The following DLGAP1 variants were observed in gnomAD, a reference collection of about 807,000 sequenced individuals.
DLGAP1 encodes the protein DLG associated protein 1.
A neutral mutation model predicts 90.8 loss-of-function variants in DLGAP1; 11 were observed. The ratio of observed to expected loss-of-function variants is 0.12; its 90% CI spans 0.08 to 0.20. DLGAP1 has a LOEUF of 0.20. Ranked by LOEUF, DLGAP1 falls within the 10% of genes least tolerant of loss-of-function variation. DLGAP1 has a pLI of 1.00. For synonymous variants in DLGAP1, 558 were observed against 540.7 expected (o/e 1.03, Z -0.44); for missense variants, 1,050 against 1,333.8 (o/e 0.79, Z 3.31).
intron 1 of DLGAP1, among the ~76,000 whole-genome samples, chr18:4,292,431 T>C (rs1449751659): frequency 3.3e-5 from 5 of 152,230 alleles, no homozygotes; most frequent in Admixed American, 2.6e-4. Flanking sequence ...GATCACCAGA[T>C]TGTATTTTAG....
intron 2 of DLGAP1, among the ~76,000 whole-genome samples, chr18:4,018,721 A>G (rs2074561067): frequency 6.6e-6 from 1 of 152,280 alleles, no homozygotes; most frequent in South Asian, 2.1e-4. Context: ...AGACAAATAC[A>G]GAATTATAAT....
At chr18:4,092,088 G>A (rs1053795442) in intron 2 of DLGAP1, among the ~76,000 whole-genome samples, 3 of 152,036 alleles carry the variant, frequency 2.0e-5, no homozygotes, top group African/African-American at 4.8e-5. Context: ...TTATTGCTAT[G>A]GTTAACCTCA....
intron 7 of DLGAP1, among the ~76,000 whole-genome samples, chr18:3,682,125 AAAAAAT>A (rs2060536780): frequency 8.5e-6 from 1 of 117,506 alleles, no homozygotes; most frequent in South Asian, 2.5e-4. Context: ...TCAAAAAAAA[AAAAAAT>A]AAAAAAAAAT....
chr18:4,064,848 T>C (rs973291865), intron 2 of DLGAP1, among the ~76,000 whole-genome samples: 3 of 152,066 alleles, frequency 2.0e-5, no homozygotes, highest in Non-Finnish European at 2.9e-5. Flanking sequence ...ATCACCCTGA[T>C]ACCAAAACCT....
chr18:3,504,576 G>A (rs2050115171), intron 11 of DLGAP1, among the ~76,000 whole-genome samples: 1 of 151,890 alleles, frequency 6.6e-6, no homozygotes, highest in South Asian at 2.1e-4. Context: ...TGTAGAGATG[G>A]GGTCTCACAT....
At chr18:3,726,614 GCTTA>G (rs1302064031) in intron 7 of DLGAP1, among the ~76,000 whole-genome samples, 3 of 152,134 alleles carry the variant, frequency 2.0e-5, no homozygotes, top group Non-Finnish European at 4.4e-5. Context: ...TATCCTATGT[GCTTA>G]CTTAGTTAGA....
In DLGAP1 at chr18:3,499,256, G is replaced by A; in HGVS notation, c.2863C>T (p.Arg955Cys). The A allele has an allele frequency of 1.3e-6, 2 of 1,599,740 alleles. No individual in the cohort carries two copies. The highest frequency in any genetic ancestry group is 1.7e-6 in the Non-Finnish European group (2 of 1,174,542). ...LMAAKRAASV[R>C]QNSATESAES... The stretch of plus-strand genomic sequence containing the variant: ...GCGCTCTCGGTGGCCGAGTTCTGGC[G>A]GACGGACGCGGCGCGCTTGGCGGCC... The change falls in exon 13 of 13, where the codon CGC becomes TGC. Residue 955 changes from arginine (R) to cysteine (C), a missense_variant. By Grantham distance (180) the Arg-to-Cys change is radical (BLOSUM62 -3). This residue lies in a region of DLGAP1 where 565 missense variants were observed against 879.7 expected (regional missense o/e 0.64). Coordinates refer to ENST00000315677, the MANE Select transcript of DLGAP1 (RefSeq NM_004746.4). This position sits in a 1 kb window ranked among gnomAD's most constrained non-coding sequence, Gnocchi z 6.4.
intron 3 of DLGAP1, among the ~76,000 whole-genome samples, chr18:3,956,763 A>AC (rs2073094106): frequency 6.6e-6 from 1 of 151,938 alleles, no homozygotes; most frequent in African/African-American, 2.4e-5. Flanking sequence ...TGATCCTTCT[A>AC]CCTCAGCCTC....
At chr18:4,323,333 T>G (rs1326821601) in intron 1 of DLGAP1, among the ~76,000 whole-genome samples, 1 of 152,126 alleles carries the variant, frequency 6.6e-6, no homozygotes, top group Non-Finnish European at 1.5e-5. Context: ...TGTACACCAT[T>G]AGAATAAAAA....
Position 3,879,861 on chromosome 18 carries a change from A to G in DLGAP1, c.208T>C (p.Phe70Leu), listed in dbSNP as rs1460454105. Residue 70 changes from phenylalanine (F) to leucine (L), a missense_variant, in exon 4 of 13, where the codon TTC becomes CTC. Around this residue, in one of 2 missense-constraint regions of DLGAP1, gnomAD observed 485 missense variants for 454.1 expected, o/e 1.07. Transcript: ENST00000315677. This position sits in a 1 kb window ranked among gnomAD's most constrained non-coding sequence, Gnocchi z 6.6. ...PFSDPLASST[F>L]PRRHYTSQQE... Reference sequence around the variant, plus strand: ...TGCGAGGTGTAGTGCCTGCGGGGGAAGGTGCTGCTGGCCAGCGGGTCGCTG... The same window carrying G: ...TGCGAGGTGTAGTGCCTGCGGGGGAGGGTGCTGCTGGCCAGCGGGTCGCTG... 1 of 1,610,468 alleles carries G rather than the reference A, an allele frequency of 6.2e-7. No homozygotes were observed. The highest frequency in any genetic ancestry group is 8.5e-7 in the Non-Finnish European group (1 of 1,179,546).
chr18:3,616,595 A>AC (rs1400000303), intron 7 of DLGAP1, among the ~76,000 whole-genome samples: 8 of 148,918 alleles, frequency 5.4e-5, no homozygotes, highest in Non-Finnish European at 1.0e-4. Context: ...ACAAAACAAA[A>AC]AAAAAAAAAA....
chr18:3,718,707 C>A (rs1198404633), intron 7 of DLGAP1, among the ~76,000 whole-genome samples: 1 of 151,776 alleles, frequency 6.6e-6, no homozygotes. Context: ...GGGTGGATCG[C>A]CTGAGGTCAG....
chr18:4,063,846 T>G (rs1213447433), intron 2 of DLGAP1, among the ~76,000 whole-genome samples: 1 of 152,084 alleles, frequency 6.6e-6, no homozygotes, highest in Non-Finnish European at 1.5e-5. Context: ...ATTAGGTAGT[T>G]GGGTCTTCAT....
chr18:3,791,425 G>C (rs1326794188), intron 5 of DLGAP1, among the ~76,000 whole-genome samples: 2 of 152,124 alleles, frequency 1.3e-5, no homozygotes, highest in Non-Finnish European at 2.9e-5. Context: ...AAGAACAATG[G>C]ATCCAAAAGT....
At chr18:3,648,579 C>T (rs1791378) in intron 7 of DLGAP1, among the ~76,000 whole-genome samples, 49,123 of 152,018 alleles carry the variant, frequency 0.32, 9,921 homozygotes, top group African/African-American at 0.57. Flanking sequence ...TTTCTAAATT[C>T]GGGCTTGAAA....
chr18:4,350,890 T>C (rs1023428615), intron 1 of DLGAP1, among the ~76,000 whole-genome samples: 2 of 152,154 alleles, frequency 1.3e-5, no homozygotes, highest in African/African-American at 4.8e-5. Flanking sequence ...ATTATTTTAC[T>C]AGCTAATGAT....
At chr18:3,662,464 C>T (rs2059718195) in intron 7 of DLGAP1, among the ~76,000 whole-genome samples, 1 of 152,058 alleles carries the variant, frequency 6.6e-6, no homozygotes, top group Non-Finnish European at 1.5e-5. Context: ...GAAAGAAACC[C>T]AGTAAGATTC....
At chr18:4,181,754 T>G (rs77537668) in intron 1 of DLGAP1, among the ~76,000 whole-genome samples, 1 of 152,130 alleles carries the variant, frequency 6.6e-6, no homozygotes, top group Non-Finnish European at 1.5e-5. Context: ...TGGGCTGTAT[T>G]TATGTATGGT....
chr18:4,099,900 G>T (rs1251426050), intron 2 of DLGAP1, among the ~76,000 whole-genome samples: 1 of 151,898 alleles, frequency 6.6e-6, no homozygotes, highest in East Asian at 1.9e-4. Context: ...GTTTAGAGAT[G>T]AAATCTTGGG....
Sources: gnomAD v4.1 joint callset for allele counts (sites outside exome capture counted in the v4.1 genomes callset) on GRCh38, gnomAD v4.1.1 for gene constraint, gnomAD v4.1.1 regional missense constraint, Gnocchi (gnomAD v3.1) non-coding constraint, MANE v1.5 for transcripts, NCBI Gene and HGNC (gene_info 2026-07-23, HGNC 2026-07-21) for gene names.